The following SLC13A5 variants were observed in gnomAD, a reference collection of about 807,000 sequenced individuals.
The protein encoded by SLC13A5 is solute carrier family 13 member 5.
In SLC13A5, 25 loss-of-function variants were observed where a neutral mutation model predicts 56.5. The observed-to-expected ratio is 0.44, with a 90% CI of 0.32 to 0.62. The LOEUF is 0.62. Ranked by LOEUF, SLC13A5 falls within the 20% of genes least tolerant of loss-of-function variation. The pLI is 0.04. For synonymous variants in SLC13A5, 307 were observed against 301.5 expected, an observed-to-expected ratio of 1.02 and a Z score of -0.19; for missense variants, 649 against 737.8, an observed-to-expected ratio of 0.88 and a Z score of 1.39.
In SLC13A5 at chr17:6,707,171, C is replaced by T. The variant is rs374410291; in HGVS notation, c.103-15G>A. On this transcript the variant is annotated splice_polypyrimidine_tract_variant and intron_variant, in intron 1 of 11. Coordinates refer to ENST00000433363, the MANE Select transcript of SLC13A5 (RefSeq NM_177550.5). ...CACCTGACAAACTGAAGAGACAGTC[C>T]TGAGGCCTCAGCGTGTTGCCGCCTC... 278 of 1,613,138 alleles carry T rather than the reference C, an allele frequency of 1.7e-4. No homozygotes were observed. Among genetic ancestry groups the T allele is most frequent in the Non-Finnish European group, 1.9e-4 (222 of 1,179,640 alleles).
intron 1 of SLC13A5, among the ~76,000 whole-genome samples, chr17:6,712,773 C>T (rs1974074517): frequency 6.6e-6 from 1 of 152,176 alleles, no homozygotes; most frequent in Non-Finnish European, 1.5e-5. Context: ...ACGGCAGAAG[C>T]CACCTACAGC....
chr17:6,699,609 T>C (rs1186972442), intron 6 of SLC13A5, among the ~76,000 whole-genome samples: 1 of 152,194 alleles, frequency 6.6e-6, no homozygotes, highest in Non-Finnish European at 1.5e-5. Context: ...TAGCTGGGGT[T>C]ACAGGCATGT....
intron 5 of SLC13A5, among the ~76,000 whole-genome samples, chr17:6,702,378 A>G (rs1027739866): frequency 6.6e-6 from 1 of 152,152 alleles, no homozygotes; most frequent in Non-Finnish European, 1.5e-5. Flanking sequence ...CTTTGTGGCC[A>G]AGGCTAGAAA....
chr17:6,704,323 A>C (rs1412344476), intron 3 of SLC13A5: 2 of 608,430 alleles, frequency 3.3e-6, no homozygotes, highest in Non-Finnish European at 6.2e-6. Context: ...GGTTACCAAG[A>C]GGCCTCAGAT....
rs1973422455 is a variant in SLC13A5, at chr17:6,692,123, A to ATG, written c.1275+920_1275+921insCA. ...AGGAATGTTGGATGGATGGATGGAT[A>ATG]GATGGATGGATGGATGGATGGATGG... On this transcript the variant is annotated intron_variant, in intron 9 of 11. Coordinates refer to ENST00000433363, the MANE Select transcript of SLC13A5 (RefSeq NM_177550.5). This position sits in a 1 kb window ranked among gnomAD's most constrained non-coding sequence, Gnocchi z 5.5. Among the ~76,000 whole-genome samples, 1 of 143,954 alleles carries ATG rather than the reference A, an allele frequency of 6.9e-6. No homozygotes were observed. The highest frequency in any genetic ancestry group is 1.5e-5 in the Non-Finnish European group (1 of 66,044). The allele number at this position is 143,954 out of a possible 152,430, so 94.4% of individuals were successfully genotyped here.
intron 6 of SLC13A5, among the ~76,000 whole-genome samples, chr17:6,700,024 G>C (rs1459532698): frequency 6.6e-6 from 1 of 152,150 alleles, no homozygotes; most frequent in Admixed American, 6.5e-5. Flanking sequence ...TTGCCTCTGA[G>C]CTCTGCAGTC....
At position 6,704,070 on chromosome 17, in the gene SLC13A5, G is replaced by T. The variant is rs218677; in HGVS notation, c.369-14C>A. On this transcript the variant is annotated splice_polypyrimidine_tract_variant and intron_variant, in intron 3 of 11. Coordinates refer to ENST00000433363, the MANE Select transcript of SLC13A5 (RefSeq NM_177550.5). ...CCCAGCATCAGCCTGCAGAGGAGGG[G>T]CAGGGAGGAAAGCCAGAGAATCCCC... is the stretch of plus-strand genomic sequence containing the variant. 1 of 1,605,294 alleles carries T rather than the reference G, an allele frequency of 6.2e-7. No homozygotes were observed. The highest frequency in any genetic ancestry group is 8.5e-7 in the Non-Finnish European group (1 of 1,176,562).
At chr17:6,706,971 A>G in intron 2 of SLC13A5, 57 bp downstream of exon 2, 1 of 1,606,768 alleles carries the variant, frequency 6.2e-7, no homozygotes, top group Non-Finnish European at 8.5e-7. Context: ...AGTGGGGACT[A>G]GAGAAAGAGA....
At chr17:6,696,536 T>C (rs1973565757) in intron 6 of SLC13A5, among the ~76,000 whole-genome samples, 2 of 151,932 alleles carry the variant, frequency 1.3e-5, no homozygotes, top group Admixed American at 1.3e-4. Context: ...CCATCCTGGA[T>C]GGGCCCCCTT....
rs532774059 is a variant in SLC13A5 at position 6,687,241 on chromosome 17, C to T, written c.1575+288G>A. 195 of 374,976 alleles carry T rather than the reference C, an allele frequency of 5.2e-4. No individual in the cohort carries two copies. Among genetic ancestry groups the T allele is most frequent in the African/African-American group, 3.9e-3 (183 of 46,590 alleles). 23.2% of individuals were successfully genotyped at this position (374,976 alleles called of 1,614,324 possible). Reference sequence around the variant, plus strand: ...ATCCTTGGCCATATGAGTCCCTCAGCCCCACCTTCACCCCTTCCAAGGACT... The same window carrying T: ...ATCCTTGGCCATATGAGTCCCTCAGTCCCACCTTCACCCCTTCCAAGGACT... On this transcript the variant is annotated intron_variant, in intron 11 of 11. Coordinates refer to ENST00000433363, the MANE Select transcript of SLC13A5 (RefSeq NM_177550.5). The surrounding 1 kb of genome is among the most constrained non-coding windows in gnomAD (Gnocchi z 5.0).
At chr17:6,708,058 C>T (rs1648981851) in intron 1 of SLC13A5, among the ~76,000 whole-genome samples, 1 of 152,198 alleles carries the variant, frequency 6.6e-6, no homozygotes, top group Admixed American at 6.5e-5. Context: ...CTGCAACCTC[C>T]ACCTCCCGGG....
In SLC13A5 at chr17:6,713,090, G is replaced by A. The variant is rs1051953459; in HGVS notation, c.102+142C>T. On this transcript the variant is annotated intron_variant, in intron 1 of 11. Transcript: ENST00000433363. This position sits in a 1 kb window ranked among gnomAD's most constrained non-coding sequence, Gnocchi z 7.3. ...ACAGGGCACCTCCCATCCGGCACCT[G>A]GAGCTCCTGAGTGCGCGCGCCCCGG... The A allele has an allele frequency of 3.9e-6, 3 of 768,296 alleles. No individual in the cohort carries two copies. Among genetic ancestry groups the A allele is most frequent in the Admixed American group, 4.7e-5 (2 of 42,546 alleles). The allele number at this position is 768,296 out of a possible 1,614,324, so 47.6% of individuals were successfully genotyped here.
Position 6,711,580 on chromosome 17 carries a change from TTGTGTGTTTGGG to T in SLC13A5, c.102+1640_102+1651del, listed in dbSNP as rs1383213534. Among the ~76,000 whole-genome samples the T allele has an allele frequency of 8.2e-5, 12 of 146,126 alleles. No individual in the cohort carries two copies. Among genetic ancestry groups the T allele is most frequent in the Admixed American group, 1.4e-4 (2 of 14,526 alleles). The stretch of plus-strand genomic sequence containing the variant: ...TGTGTGTGTGTTTGTGTGTCTGTGT[TTGTGTGTTTGGG>T]TGTGTGTTTGTGCGTGTGTTTTTGT... On this transcript the variant is annotated intron_variant, in intron 1 of 11. Transcript: ENST00000433363. The surrounding 1 kb of genome is among the most constrained non-coding windows in gnomAD (Gnocchi z 4.0).
At position 6,684,956 on chromosome 17, in the gene SLC13A5, C is replaced by G. The variant is rs927927264; in HGVS notation, c.*1251G>C. On this transcript the variant is annotated 3_prime_UTR_variant, in exon 12 of 12. Coordinates refer to ENST00000433363, the MANE Select transcript of SLC13A5 (RefSeq NM_177550.5). ...TGCGGGGGAAAGAAGATGCTTGTCT[C>G]TCATGTCTGTCTCTTACAGGGGGGT... 3.7e-5 allele frequency: 5 copies of G among 135,592 alleles called. No individual in the cohort carries two copies. Among genetic ancestry groups the G allele is most frequent in the Non-Finnish European group, 3.3e-5 (2 of 60,210 alleles). The allele number at this position is 135,592 out of a possible 1,614,324, so 8.4% of individuals were successfully genotyped here.
Position 6,695,834 on chromosome 17 carries a change from T to C in SLC13A5, c.947A>G (p.Glu316Gly). 6.2e-7 allele frequency: 1 copy of C among 1,614,122 alleles called. No homozygotes were observed. Among genetic ancestry groups the C allele is most frequent in the Non-Finnish European group, 8.5e-7 (1 of 1,180,026 alleles). The change falls in exon 7 of 12, where the codon GAG (glutamate) becomes GGG (glycine). Residue 316 changes from glutamate (E) to glycine (G), a missense_variant. Coordinates refer to ENST00000433363, the MANE Select transcript of SLC13A5 (RefSeq NM_177550.5). Reference protein sequence around the residue: ...YRKLGPLSFAEINVLICFFLL... With the variant: ...YRKLGPLSFAGINVLICFFLL... ...GAAGAAGCAGATCAGCACGTTGATC[T>C]CCGCGAAGGACAAGGGCCCCAGCTT...
At chr17:6,699,068 TAAATAAATAAATAAATAAATA>T (rs1388681224) in intron 6 of SLC13A5, among the ~76,000 whole-genome samples, 42 of 136,298 alleles carry the variant, frequency 3.1e-4, no homozygotes, top group Admixed American at 8.2e-4. Flanking sequence ...AATAAATAAA[TAAATAAATAAATAAATAAATA>T]AAATAAAATA....
At chr17:6,709,283 AT>A (rs200329189) in intron 1 of SLC13A5, among the ~76,000 whole-genome samples, 5,488 of 151,398 alleles carry the variant, frequency 0.036, 133 homozygotes, top group Middle Eastern at 0.061. Context: ...TTACTTACTT[AT>A]TTTTGAGACA....
Position 6,702,431 on chromosome 17 carries a change from A to C in SLC13A5, c.716+539T>G, listed in dbSNP as rs138957800. Among the ~76,000 whole-genome samples, 295 of 152,214 alleles carry C rather than the reference A, an allele frequency of 1.9e-3. 2 individuals carry two copies. The highest frequency in any genetic ancestry group is 3.6e-3 in the Non-Finnish European group (247 of 68,030). ...GGTTCACCTGATACCTCACAAGGGG[A>C]CTATAACGAAGCAGTGAAGCAGTGA... On this transcript the variant is annotated intron_variant, in intron 5 of 11. Coordinates refer to ENST00000433363, the MANE Select transcript of SLC13A5 (RefSeq NM_177550.5).
At chr17:6,709,698 T>C (rs2151501619) in intron 1 of SLC13A5, among the ~76,000 whole-genome samples, 1 of 152,328 alleles carries the variant, frequency 6.6e-6, no homozygotes, top group South Asian at 2.1e-4. Flanking sequence ...ATGTATTATT[T>C]GCACAAAACA....
Sources: gnomAD v4.1 joint callset for allele counts (sites outside exome capture counted in the v4.1 genomes callset) on GRCh38, gnomAD v4.1.1 for gene constraint, Gnocchi (gnomAD v3.1) non-coding constraint, MANE v1.5 for transcripts, NCBI Gene and HGNC (gene_info 2026-07-23, HGNC 2026-07-21) for gene names.